CC2D2B: variants seen among roughly 807,000 people sequenced by gnomAD.
CC2D2B encodes the protein protein CC2D2B.
A neutral mutation model predicts 161.2 loss-of-function variants in CC2D2B; 128 were observed. The ratio of observed to expected loss-of-function variants is 0.79; its 90% CI spans 0.69 to 0.92. The LOEUF (loss-of-function observed/expected upper bound fraction) is 0.92, where lower values mean the gene tolerates loss of function less well. Ranked by LOEUF, CC2D2B falls within the 40% of genes least tolerant of loss-of-function variation. The pLI, the probability that CC2D2B is intolerant of heterozygous loss-of-function variation, is 0.00. For missense variants in CC2D2B, 1,173 were observed against 1,375.1 expected (o/e 0.85, Z 2.32); for synonymous variants, 391 against 449.8 (o/e 0.87, Z 1.65).
chr10:95,999,692 G>A (rs563426979), intron 24 of CC2D2B: 2 of 184,374 alleles, frequency 1.1e-5, no homozygotes, highest in African/African-American at 4.8e-5. Flanking sequence ...ATTTGAGAGA[G>A]AGGACACCAC....
At chr10:95,946,634 C>G (rs1316513868) in intron 9 of CC2D2B, among the ~76,000 whole-genome samples, 1 of 152,064 alleles carries the variant, frequency 6.6e-6, no homozygotes, top group Non-Finnish European at 1.5e-5. Flanking sequence ...TTGGCTCTTA[C>G]ATAAAGAACA....
At chr10:95,927,035 C>T (rs2098540661) in intron 5 of CC2D2B, among the ~76,000 whole-genome samples, 4 of 151,954 alleles carry the variant, frequency 2.6e-5, no homozygotes, top group Admixed American at 6.6e-5. Flanking sequence ...CTTGCAGTTA[C>T]CCGAACATTA....
In CC2D2B at chr10:96,009,847, G is replaced by A. The variant is rs760951615; in HGVS notation, c.2969G>A (p.Ser990Asn). 1 of 1,596,072 alleles carries A rather than the reference G, an allele frequency of 6.3e-7. No individual in the cohort carries two copies. Among genetic ancestry groups the A allele is most frequent in the South Asian group, 1.1e-5 (1 of 88,430 alleles). The change falls in exon 26 of 35, where the codon AGT becomes AAT. Residue 990 changes from serine to asparagine, a missense_variant. Coordinates refer to ENST00000646931, the MANE Select transcript of CC2D2B (RefSeq NM_001349008.3). ...KHEDHCLKSCSGHSYIRKNWL... is the reference protein window; with the variant it reads ...KHEDHCLKSCNGHSYIRKNWL... The stretch of plus-strand genomic sequence containing the variant: ...TAGGATCACTGTCTCAAGAGCTGTA[G>A]TGGTCACTCATATATAAGAAAGAAT...
intron 12 of CC2D2B, among the ~76,000 whole-genome samples, chr10:95,963,931 A>G (rs939751267): frequency 3.3e-5 from 5 of 152,190 alleles, no homozygotes; most frequent in Non-Finnish European, 7.4e-5. Flanking sequence ...CACTGCATTC[A>G]GCTTAGAGAG....
chr10:95,963,790 G>A (rs914710206), intron 12 of CC2D2B, among the ~76,000 whole-genome samples: 6 of 152,274 alleles, frequency 3.9e-5, no homozygotes, highest in Middle Eastern at 6.8e-3. Flanking sequence ...TCCTGACATG[G>A]AGGTTATTGA....
intron 17 of CC2D2B, among the ~76,000 whole-genome samples, chr10:95,979,931 T>C (rs987158871): frequency 2.6e-5 from 4 of 152,202 alleles, no homozygotes; most frequent in African/African-American, 9.6e-5. Context: ...AATTTACAAA[T>C]GTGGTGGCTG....
At chr10:95,973,477 ATC>A (rs1319564400) in intron 16 of CC2D2B, among the ~76,000 whole-genome samples, 1 of 152,168 alleles carries the variant, frequency 6.6e-6, no homozygotes, top group African/African-American at 2.4e-5. Context: ...CATGATATTC[ATC>A]TCTACATATT....
At chr10:95,951,156 G>T (rs1414609101) in intron 10 of CC2D2B, among the ~76,000 whole-genome samples, 2 of 151,414 alleles carry the variant, frequency 1.3e-5, no homozygotes, top group Non-Finnish European at 1.5e-5. Context: ...AAAACCCACA[G>T]GACTTAATCC....
Position 95,927,296 on chromosome 10 carries a change from T to C in CC2D2B, c.300T>C (p.Gly100=). The change falls in exon 6 of 35, where the codon GGT becomes GGC. Residue 100 remains glycine, a synonymous_variant. Coordinates refer to ENST00000646931, the MANE Select transcript of CC2D2B (RefSeq NM_001349008.3). ...DESLSFFILS[G]EEGSALGKSS... ...GTCTTTCATTTTTCATTCTGAGTGG[T>C]GAAGAAGGTTCAGCTTTGGGCAAGT... 1 of 1,551,696 alleles carries C rather than the reference T, an allele frequency of 6.4e-7. No homozygotes were observed. The highest frequency in any genetic ancestry group is 8.7e-7 in the Non-Finnish European group (1 of 1,146,672).
At chr10:95,932,165 G>T (rs2075627059) in intron 6 of CC2D2B, among the ~76,000 whole-genome samples, 3 of 152,002 alleles carry the variant, frequency 2.0e-5, no homozygotes. Context: ...ATCTTTGTTG[G>T]TTTAAAGTAT....
intron 25 of CC2D2B, among the ~76,000 whole-genome samples, chr10:96,006,341 T>C (rs1463635264): frequency 6.7e-6 from 1 of 148,506 alleles, no homozygotes; most frequent in Non-Finnish European, 1.5e-5. Context: ...ATATATATTA[T>C]ATACATAGAA....
chr10:96,006,677 A>T (rs2078762857), intron 25 of CC2D2B, among the ~76,000 whole-genome samples: 1 of 152,166 alleles, frequency 6.6e-6, no homozygotes, highest in Admixed American at 6.5e-5. Flanking sequence ...CAGGACAAAG[A>T]TGAAGGGGTT....
chr10:95,991,359 A>T lies in CC2D2B; in HGVS notation c.2380-11A>T. 3.2e-6 allele frequency: 3 copies of T among 925,214 alleles called. No homozygotes were observed. Among genetic ancestry groups the T allele is most frequent in the Admixed American group, 4.3e-5 (1 of 23,084 alleles). 57.3% of individuals were successfully genotyped at this position (925,214 alleles called of 1,614,324 possible). On this transcript the variant is annotated splice_polypyrimidine_tract_variant and intron_variant, in intron 20 of 34. Coordinates refer to ENST00000646931, the MANE Select transcript of CC2D2B (RefSeq NM_001349008.3). ...CAATACATTTTTTATTAAATTCTAAATTTTTTTTAGGTGAGAAGGTTGATA... is the reference window on the plus strand; with the variant it reads ...CAATACATTTTTTATTAAATTCTAATTTTTTTTTAGGTGAGAAGGTTGATA...
chr10:95,998,916 G>T (rs940389434), intron 24 of CC2D2B, among the ~76,000 whole-genome samples: 1 of 151,948 alleles, frequency 6.6e-6, no homozygotes, highest in African/African-American at 2.4e-5. Context: ...AAGAGTTTGA[G>T]ACCAGCCTGG....
intron 2 of CC2D2B, among the ~76,000 whole-genome samples, chr10:95,917,200 T>G (rs1463020983): frequency 3.3e-5 from 5 of 152,224 alleles, no homozygotes. Flanking sequence ...TAGCTATTCC[T>G]GCTCTTTTTT....
intron 2 of CC2D2B, among the ~76,000 whole-genome samples, chr10:95,913,880 A>G (rs35968758): frequency 0.087 from 13,278 of 152,180 alleles, 705 homozygotes; most frequent in Middle Eastern, 0.16. Flanking sequence ...CTAATCAGAT[A>G]CATAGTTTGC....
At chr10:95,942,270 A>G (rs2076048655) in intron 9 of CC2D2B, among the ~76,000 whole-genome samples, 1 of 152,180 alleles carries the variant, frequency 6.6e-6, no homozygotes, top group Non-Finnish European at 1.5e-5. Flanking sequence ...TATAGTTAAT[A>G]GTACTGTAAA....
chr10:95,968,133 A>C (rs945738021), intron 14 of CC2D2B, among the ~76,000 whole-genome samples: 2 of 151,990 alleles, frequency 1.3e-5, no homozygotes, highest in African/African-American at 4.8e-5. Flanking sequence ...TGCTCCTTTG[A>C]TCTTTGGGTT....
At chr10:95,934,157 C>T (rs2075719659) in intron 6 of CC2D2B, among the ~76,000 whole-genome samples, 1 of 152,198 alleles carries the variant, frequency 6.6e-6, no homozygotes, top group Non-Finnish European at 1.5e-5. Context: ...GTTTGAACTT[C>T]CCCGTGGCTT....
Sources: allele counts gnomAD v4.1 joint callset (sites outside exome capture counted in the v4.1 genomes callset), GRCh38; gene constraint gnomAD v4.1.1; transcripts MANE v1.5; gene names NCBI Gene and HGNC (gene_info 2026-07-23, HGNC 2026-07-21).